FASN: variants seen among roughly 807,000 people sequenced by gnomAD.
The protein encoded by FASN is 3-hydroxyacyl-[acyl-carrier-protein] dehydratase.
In FASN, 50 loss-of-function variants were observed where a neutral mutation model predicts 250.0. The ratio of observed to expected loss-of-function variants is 0.20; its 90% CI spans 0.16 to 0.25. The LOEUF (loss-of-function observed/expected upper bound fraction) is 0.25. Ranked by LOEUF, FASN falls within the 10% of genes least tolerant of loss-of-function variation. FASN has a pLI of 1.00. For synonymous variants in FASN, 1,909 were observed against 1,584.0 expected (o/e 1.21, Z -4.87); for missense variants, 3,031 against 3,498.5 (o/e 0.87, Z 3.37).
rs2033942851 is a variant in FASN at position 82,079,150 on chromosome 17, T to C, written c.7529A>G (p.Glu2510Gly). The change falls in exon 43 of 43, where the codon GAG becomes GGG. Residue 2510 changes from glutamate to glycine, a missense_variant. Coordinates refer to ENST00000306749, the MANE Select transcript of FASN (RefSeq NM_004104.5). ...GCAGGCGGGGGCACGGGCCTAGCCCTCCCGCACGCTCACGCGTGGCTCAGC... is the reference window on the plus strand; with the variant it reads ...GCAGGCGGGGGCACGGGCCTAGCCCCCCCGCACGCTCACGCGTGGCTCAGC... The part of the protein sequence containing the change: ...SLAEPRVSVR[E>G]G The C allele has an allele frequency of 6.2e-7, 1 of 1,611,622 alleles. No homozygotes were observed. Among genetic ancestry groups the C allele is most frequent in the Non-Finnish European group, 8.5e-7 (1 of 1,179,894 alleles).
intron 3 of FASN, 52 bp from the exon 4 acceptor site, chr17:82,093,823 G>GACCCCC: frequency 1.3e-6 from 2 of 1,549,718 alleles, no homozygotes; most frequent in South Asian, 2.4e-5. Flanking sequence ...AGCGCAGCCA[G>GACCCCC]CCCACCCACC....
intron 40 of FASN, 25 bp downstream of exon 40, chr17:82,080,345 C>T: frequency 5.0e-6 from 8 of 1,606,204 alleles, no homozygotes; most frequent in Non-Finnish European, 6.8e-6. Flanking sequence ...TTGCCGTAGG[C>T]CTCTAGGACC....
Position 82,081,029 on chromosome 17 carries a change from G to A in FASN, c.6596-107C>T, listed in dbSNP as rs2033977830. The A allele has an allele frequency of 4.3e-6, 6 of 1,393,780 alleles. No individual in the cohort carries two copies. The Admixed American group carries it at 5.9e-5, about 14-fold the overall frequency. 86.3% of individuals were successfully genotyped at this position (1,393,780 alleles called of 1,614,324 possible). On this transcript the variant is annotated intron_variant, in intron 38 of 42. Transcript: ENST00000306749. ...GGTCCCCACGGTGCTACGTCAGGTG[G>A]GAGTCGGGGTGGGAACGCTCAGAAT...
rs558281195 is a variant in FASN, at chr17:82,089,005, C to T, written c.2268G>A (p.Ala756=). ...QEALWHVPEH[A]VVLEIAPHAL... The stretch of plus-strand genomic sequence containing the variant: ...CGTGGGGCGCGATCTCCAGCACCAC[C>T]GCGTGCTCAGGCACGTGCCACAGGG... The change falls in exon 14 of 43, where the codon GCG becomes GCA. Residue 756 remains alanine (A), a synonymous_variant. Transcript: ENST00000306749. 1.9e-5 allele frequency: 30 copies of T among 1,609,236 alleles called. No individual in the cohort carries two copies. Among genetic ancestry groups the T allele is most frequent in the Middle Eastern group, 3.3e-4 (2 of 6,054 alleles).
rs769902886 is a variant in FASN at position 82,079,429 on chromosome 17, G to T, written c.7326C>A (p.Asn2442Lys). Residue 2442 changes from asparagine (N) to lysine (K), a missense_variant, in exon 42 of 43, where the codon AAC becomes AAA. Asn to Lys is a moderately conservative substitution (Grantham distance 94, BLOSUM62 0). Transcript: ENST00000306749. Reference protein sequence around the residue: ...QYTPKAKYHGNVMLLRAKTGG... With the variant: ...QYTPKAKYHGKVMLLRAKTGG... ...CCGTCTTGGCGCGCAGTAGCATCAC[G>T]TTGCCATGGTACTTGGCCTTGGGTG... The T allele has an allele frequency of 6.2e-7, 1 of 1,612,932 alleles. No homozygotes were observed. The highest frequency in any genetic ancestry group is 8.5e-7 in the Non-Finnish European group (1 of 1,180,018).
In FASN at chr17:82,081,792, G is replaced by C. The variant is rs755410667; in HGVS notation, c.6215C>G (p.Thr2072Arg). Residue 2072 changes from threonine (T) to arginine (R), a missense_variant, in exon 37 of 43, where the codon ACG becomes AGG. Coordinates refer to ENST00000306749, the MANE Select transcript of FASN (RefSeq NM_004104.5). ...AIGDVGILVE[T>R]MSTNDTIVSG... ...GACGATCGTGTCGTTGGTGCTCATC[G>C]TCTCCACCAAAATGCCCACGTCGCC... 5.6e-6 allele frequency: 9 copies of C among 1,612,216 alleles called. No homozygotes were observed. Among genetic ancestry groups the C allele is most frequent in the Non-Finnish European group, 7.6e-6 (9 of 1,179,916 alleles).
intron 12 of FASN, 72 bp downstream of exon 12, chr17:82,089,560 C>T (rs2034165329): frequency 6.5e-7 from 1 of 1,544,428 alleles, no homozygotes; most frequent in South Asian, 1.2e-5. Context: ...TAGACCGTGG[C>T]CGCGTGTCCC....
intron 10 of FASN, 118 bp downstream of exon 10, chr17:82,090,764 C>G: frequency 8.1e-7 from 1 of 1,238,878 alleles, no homozygotes; most frequent in Non-Finnish European, 1.1e-6. Flanking sequence ...CAGCACAAGG[C>G]TCTGCCTAGC....
intron 33 of FASN, 65 bp downstream of exon 33, chr17:82,082,849 A>G (rs980529643): frequency 6.3e-7 from 1 of 1,588,910 alleles, no homozygotes; most frequent in Non-Finnish European, 8.6e-7. Flanking sequence ...GGCTGCAGAG[A>G]AGGGCTCAGG....
At position 82,078,367 on chromosome 17, in the gene FASN, G is replaced by A. The variant is rs2033928364; in HGVS notation, c.*776C>T. ...GATCACATGCGGTTTAATTGTGGGAGGCTGAGAGCAGCATTTTTACCAAAT... is the reference window on the plus strand; with the variant it reads ...GATCACATGCGGTTTAATTGTGGGAAGCTGAGAGCAGCATTTTTACCAAAT... On this transcript the variant is annotated 3_prime_UTR_variant, in exon 43 of 43. Transcript: ENST00000306749. The surrounding 1 kb of genome is among the most constrained non-coding windows in gnomAD (Gnocchi z 5.4). 6.6e-6 allele frequency: 1 copy of A among 152,332 alleles called. No individual in the cohort carries two copies. Among genetic ancestry groups the A allele is most frequent in the South Asian group, 2.1e-4 (1 of 4,840 alleles). 9.4% of individuals were successfully genotyped at this position (152,332 alleles called of 1,614,324 possible).
intron 10 of FASN, 138 bp from the exon 11 acceptor site, chr17:82,090,702 A>G (rs553902056): frequency 9.6e-6 from 10 of 1,043,212 alleles, no homozygotes; most frequent in East Asian, 2.6e-5. Context: ...AGAAGCCCCT[A>G]TGGCCCCCAC....
At chr17:82,084,746 G>A (rs755156790) in intron 26 of FASN, 30 bp from the exon 27 acceptor site, 19 of 1,549,886 alleles carry the variant, frequency 1.2e-5, no homozygotes, top group South Asian at 5.9e-5. Flanking sequence ...GGGCTGCTGC[G>A]GGGCCTTCGG....
In FASN at chr17:82,078,871, G is replaced by T; in HGVS notation, c.*272C>A. 1.7e-6 allele frequency: 1 copy of T among 574,500 alleles called. No homozygotes were observed. The highest frequency in any genetic ancestry group is 2.0e-5 in the South Asian group (1 of 50,286). 35.6% of individuals were successfully genotyped at this position (574,500 alleles called of 1,614,324 possible). On this transcript the variant is annotated 3_prime_UTR_variant, in exon 43 of 43. Transcript: ENST00000306749. The surrounding 1 kb of genome is among the most constrained non-coding windows in gnomAD (Gnocchi z 5.4). ...AGCGCAGACCCCACGGGCGCACGAG[G>T]CCCAGCCCAGTTCCTGCGGGCACGG...
chr17:82,082,324 T>C lies in FASN; in HGVS notation c.6010A>G (p.Arg2004Gly), dbSNP rs1183000675. ...PKYSGTLNLD[R>G]VTREACPELD... ...GGAGCAGGGCTGTGCGGTACCCACC[T>C]GTCCAGGTTCAGGGTGCCGCTGTAC... Residue 2004 changes from arginine (R) to glycine (G), a missense_variant and splice_region_variant, in exon 35 of 43, where the codon AGG becomes GGG. Arg to Gly is a moderately radical substitution (Grantham distance 125). Transcript: ENST00000306749. The C allele has an allele frequency of 1.2e-6, 2 of 1,612,516 alleles. No individual in the cohort carries two copies. The highest frequency in any genetic ancestry group is 8.5e-7 in the Non-Finnish European group (1 of 1,179,958).
In FASN at chr17:82,087,171, G is replaced by A; in HGVS notation, c.3306C>T (p.Ala1102=). The change falls in exon 21 of 43, where the codon GCC becomes GCT. Residue 1102 remains alanine (A), a synonymous_variant. Coordinates refer to ENST00000306749, the MANE Select transcript of FASN (RefSeq NM_004104.5). ...CCTGCTGCTCCTGCTGCCGCCGCGG[G>A]GCCGACTCAGTGTGGAGCCCGGAGA... The part of the protein sequence containing the change: ...VHISGLHTES[A]PRRQQEQQVP... 1 of 1,609,494 alleles carries A rather than the reference G, an allele frequency of 6.2e-7. No individual in the cohort carries two copies. Among genetic ancestry groups the A allele is most frequent in the Non-Finnish European group, 8.5e-7 (1 of 1,178,936 alleles).
rs1438822631 is a variant in FASN, at chr17:82,081,608, G to A, written c.6399C>T (p.His2133=). The A allele has an allele frequency of 1.2e-6, 2 of 1,612,500 alleles. No homozygotes were observed. The highest frequency in any genetic ancestry group is 1.7e-6 in the Non-Finnish European group (2 of 1,179,998). The change falls in exon 37 of 43, where the codon CAC becomes CAT. Residue 2133 remains histidine (H), a synonymous_variant. Transcript: ENST00000306749. ...CCTACTGGGAGTGCTCACCCAGGAT[G>A]TGTGCCACGGCCTCCACCAGGTCCC... ...SQRDLVEAVA[H]ILGIRDLAAV... is the part of the protein sequence containing the mutation.
At position 82,087,727 on chromosome 17, in the gene FASN, A is replaced by G. The variant is rs1346880440; in HGVS notation, c.3001T>C (p.Tyr1001His). ...AGGATGCCCTGGAAATGAGGGCCGTAGTCGTAGCCACGCAGACGCAGCTCC... is the reference window on the plus strand; with the variant it reads ...AGGATGCCCTGGAAATGAGGGCCGTGGTCGTAGCCACGCAGACGCAGCTCC... ...YKELRLRGYD[Y>H]GPHFQGILEA... is the part of the protein sequence containing the mutation. The change falls in exon 19 of 43, where the codon TAC becomes CAC. Residue 1001 changes from tyrosine (Y) to histidine (H), a missense_variant. Coordinates refer to ENST00000306749, the MANE Select transcript of FASN (RefSeq NM_004104.5). The G allele has an allele frequency of 6.2e-7, 1 of 1,612,348 alleles. No individual in the cohort carries two copies.
intron 19 of FASN, 42 bp from the exon 20 acceptor site, chr17:82,087,546 C>G (rs368383037): frequency 1.2e-6 from 2 of 1,608,414 alleles, no homozygotes; most frequent in South Asian, 2.2e-5. Context: ...CTCCCAGGTC[C>G]CTGGGGCCAC....
At position 82,091,313 on chromosome 17, in the gene FASN, G is replaced by C; in HGVS notation, c.1401C>G (p.Phe467Leu). The change falls in exon 9 of 43, where the codon TTC (phenylalanine) becomes TTG (leucine). Residue 467 changes from phenylalanine (F) to leucine (L), a missense_variant. Phe to Leu is a conservative substitution (Grantham distance 22, BLOSUM62 0). Coordinates refer to ENST00000306749, the MANE Select transcript of FASN (RefSeq NM_004104.5). ...IAAVPATAMP[F>L]RGYAVLGGER... ...CACCACCCAGCACAGCGTAGCCACG[G>C]AAGGGCATGGCGGTGGCGGGGACAG... 1 of 1,611,026 alleles carries C rather than the reference G, an allele frequency of 6.2e-7. No homozygotes were observed. Among genetic ancestry groups the C allele is most frequent in the South Asian group, 1.1e-5 (1 of 90,820 alleles).
Sources: gnomAD v4.1 joint callset for allele counts on GRCh38, gnomAD v4.1.1 for gene constraint, Gnocchi (gnomAD v3.1) non-coding constraint, MANE v1.5 for transcripts, NCBI Gene and HGNC (gene_info 2026-07-23, HGNC 2026-07-21) for gene names.